UNC80: variants seen among roughly 807,000 people sequenced by gnomAD.
UNC80 encodes the protein unc-80 subunit of NALCN channel complex.
A neutral mutation model predicts 384.6 loss-of-function variants in UNC80; 164 were observed. The ratio of observed to expected loss-of-function variants is 0.43; its 90% CI spans 0.38 to 0.49. The LOEUF is 0.49. Ranked by LOEUF, UNC80 falls within the 20% of genes least tolerant of loss-of-function variation. UNC80 has a pLI of 0.00. For missense variants in UNC80, 3,330 were observed against 4,143.0 expected, an observed-to-expected ratio of 0.80 and a Z score of 5.39; for synonymous variants, 1,486 against 1,527.8, an observed-to-expected ratio of 0.97 and a Z score of 0.64.
chr2:209,959,159 A>C lies in UNC80; in HGVS notation c.7586+5A>C, dbSNP rs759668606. 8 of 1,551,976 alleles carry C rather than the reference A, an allele frequency of 5.2e-6. No homozygotes were observed. The highest frequency in any genetic ancestry group is 7.0e-6 in the Non-Finnish European group (8 of 1,146,992). ...AGCCAAACTGCACTTTATCAGGTAC[A>C]GAAAGACTTGCTCTAATTTCATACC... On this transcript the variant is annotated splice_donor_5th_base_variant and intron_variant, in intron 50 of 64. Coordinates refer to ENST00000673920, the MANE Select transcript of UNC80 (RefSeq NM_001371986.1).
At chr2:209,847,354 TAG>T (rs2082242413) in intron 21 of UNC80, among the ~76,000 whole-genome samples, 1 of 114,084 alleles carries the variant, frequency 8.8e-6, no homozygotes, top group Admixed American at 8.5e-5. Context: ...TGCTCAAAAA[TAG>T]TACCAAAATA....
chr2:209,982,910 C>T (rs2093190946), intron 60 of UNC80: 1 of 150,114 alleles, frequency 6.7e-6, no homozygotes, highest in Admixed American at 6.7e-5. Context: ...TTCTCTGTCT[C>T]TTAAGAATAT....
At chr2:209,896,979 G>A (rs1337848357) in intron 28 of UNC80, among the ~76,000 whole-genome samples, 2 of 152,108 alleles carry the variant, frequency 1.3e-5, no homozygotes, top group Admixed American at 6.6e-5. Flanking sequence ...AACCTCAGTT[G>A]TACAAGTGGC....
Position 209,872,934 on chromosome 2 carries a change from G to C in UNC80, c.3804G>C (p.Gln1268His). 1.3e-6 allele frequency: 2 copies of C among 1,551,678 alleles called. No individual in the cohort carries two copies. The highest frequency in any genetic ancestry group is 1.7e-6 in the Non-Finnish European group (2 of 1,146,972). The change falls in exon 23 of 65, where the codon CAG becomes CAC. Residue 1268 changes from glutamine (Q) to histidine (H), a missense_variant. By Grantham distance (24) the Gln-to-His change is conservative. Around this residue, in one of 8 missense-constraint regions of UNC80, gnomAD observed 801 missense variants for 950.8 expected, o/e 0.84. Coordinates refer to ENST00000673920, the MANE Select transcript of UNC80 (RefSeq NM_001371986.1). This position sits in a 1 kb window ranked among gnomAD's most constrained non-coding sequence, Gnocchi z 4.1. ...IVGNKRNQKLQWNAAKLFYQW... is the reference protein window; with the variant it reads ...IVGNKRNQKLHWNAAKLFYQW... Reference sequence around the variant, plus strand: ...GCAACAAGCGAAACCAGAAGCTGCAGTGGAATGCAGCCAAGCTCTTCTACC... The same window carrying C: ...GCAACAAGCGAAACCAGAAGCTGCACTGGAATGCAGCCAAGCTCTTCTACC...
chr2:209,898,593 T>C (rs1390054612), intron 28 of UNC80, among the ~76,000 whole-genome samples: 1 of 152,190 alleles, frequency 6.6e-6, no homozygotes, highest in African/African-American at 2.4e-5. Flanking sequence ...TGTATCCATC[T>C]CCTCAAGCAT....
chr2:209,820,643 C>T lies in UNC80; in HGVS notation c.2295C>T (p.Gly765=), dbSNP rs13432245. ...GDGGGGGGGG[G]GPYEKNDKNQ... is the part of the protein sequence containing the mutation. ...GAGGAGGAGGTGGAGGAGGTGGAGG[C>T]GGCCCTTATGAGAAGAATGATAAGA... The change falls in exon 13 of 65, where the codon GGC becomes GGT. Residue 765 remains glycine (G), a synonymous_variant. Transcript: ENST00000673920. The T allele has an allele frequency of 0.023, 34,905 of 1,545,018 alleles. 2,935 individuals carry two copies. The East Asian group carries it at 0.23, about 10-fold the overall frequency.
chr2:209,829,362 T>C lies in UNC80; in HGVS notation c.2609T>C (p.Met870Thr). ...DFLHALLGFC[M>T]EPVTDNKAGF... ...TTGCATGCTTTGCTAGGATTTTGTATGGAGCCGGTCACTGACAGTAAGTAA... is the reference window on the plus strand; with the variant it reads ...TTGCATGCTTTGCTAGGATTTTGTACGGAGCCGGTCACTGACAGTAAGTAA... Residue 870 changes from methionine (M) to threonine (T), a missense_variant, in exon 15 of 65, where the codon ATG (methionine) becomes ACG (threonine). Physicochemically the swap from Met to Thr is moderately conservative, Grantham distance 81. Coordinates refer to ENST00000673920, the MANE Select transcript of UNC80 (RefSeq NM_001371986.1). The C allele has an allele frequency of 6.4e-7, 1 of 1,551,298 alleles. No individual in the cohort carries two copies. Among genetic ancestry groups the C allele is most frequent in the Non-Finnish European group, 8.7e-7 (1 of 1,146,714 alleles).
At position 209,917,883 on chromosome 2, in the gene UNC80, C is replaced by G; in HGVS notation, c.5136C>G (p.Leu1712=). 2 of 1,551,874 alleles carry G rather than the reference C, an allele frequency of 1.3e-6. No individual in the cohort carries two copies. The highest frequency in any genetic ancestry group is 1.7e-6 in the Non-Finnish European group (2 of 1,147,042). The change falls in exon 32 of 65, where the codon CTC becomes CTG. Residue 1712 remains leucine, a synonymous_variant. Transcript: ENST00000673920. ...PETVQRLNAV[L]KFHTLWRFRY... is the part of the protein sequence containing the mutation. ...CTGTGCAGAGGCTGAACGCTGTCCT[C>G]AAGTTCCACACGCTCTGGAGGTTTC... is the stretch of plus-strand genomic sequence containing the variant.
intron 13 of UNC80, among the ~76,000 whole-genome samples, chr2:209,824,163 T>A (rs2080336791): frequency 6.6e-6 from 1 of 152,122 alleles, no homozygotes; most frequent in African/African-American, 2.4e-5. Flanking sequence ...TCCAAAATAC[T>A]TCTAGTCCAA....
intron 25 of UNC80, among the ~76,000 whole-genome samples, chr2:209,885,419 C>G (rs748300121): frequency 6.6e-6 from 1 of 152,032 alleles, no homozygotes; most frequent in Admixed American, 6.6e-5. Flanking sequence ...TGAAAGACTA[C>G]GTAGGATTTG....
At chr2:209,896,166 C>T in intron 27 of UNC80, 147 bp from the exon 28 acceptor site, 1 of 679,328 alleles carries the variant, frequency 1.5e-6, no homozygotes, top group Non-Finnish European at 2.6e-6. Context: ...GTTAATATTC[C>T]TCCAACAAAG....
chr2:209,818,033 T>A, intron 11 of UNC80, 81 bp downstream of exon 11: 1 of 1,470,576 alleles, frequency 6.8e-7, no homozygotes, highest in South Asian at 1.3e-5. Context: ...TACTTTCCCA[T>A]TGTAATCCGC....
At chr2:209,909,142 A>G (rs1346554557) in intron 29 of UNC80, among the ~76,000 whole-genome samples, 2 of 152,166 alleles carry the variant, frequency 1.3e-5, no homozygotes, top group South Asian at 2.1e-4. Context: ...ACACTTCTCT[A>G]GGAGTGCAGG....
chr2:209,862,020 A>T (rs2083379202), intron 22 of UNC80, among the ~76,000 whole-genome samples: 1 of 151,602 alleles, frequency 6.6e-6, no homozygotes, highest in African/African-American at 2.4e-5. Context: ...AGCATTTTTC[A>T]TGTCTTTATC....
intron 5 of UNC80, 107 bp downstream of exon 5, chr2:209,786,296 T>A: frequency 1.5e-6 from 2 of 1,349,168 alleles, no homozygotes; most frequent in Non-Finnish European, 2.0e-6. Context: ...GAAGCAAATA[T>A]CTACATGTAG....
chr2:209,853,270 A>G (rs1316008552), intron 22 of UNC80, among the ~76,000 whole-genome samples: 1 of 152,152 alleles, frequency 6.6e-6, no homozygotes, highest in East Asian at 1.9e-4. Flanking sequence ...TTTTGACATA[A>G]TTTTATATTA....
intron 58 of UNC80, among the ~76,000 whole-genome samples, chr2:209,977,368 T>C (rs947164395): frequency 1.3e-5 from 2 of 152,238 alleles, no homozygotes; most frequent in African/African-American, 2.4e-5. Context: ...CTTTCTTGAG[T>C]ATTTAATTGG....
At position 209,840,479 on chromosome 2, in the gene UNC80, T is replaced by C. The variant is rs2081656244; in HGVS notation, c.3251-63T>C. 11 of 1,392,216 alleles carry C rather than the reference T, an allele frequency of 7.9e-6. No individual in the cohort carries two copies. In the South Asian group the frequency reaches 1.3e-4, roughly 16 times the overall value. 86.2% of individuals were successfully genotyped at this position (1,392,216 alleles called of 1,614,324 possible). A position where few individuals can be genotyped will look rare whatever the true frequency, so the allele number is the denominator to read the frequency against. ...ATCGCTTGTTGGGCTTATGTTGACA[T>C]TTCTGTTTAATTGATTGGATAGAAA... On this transcript the variant is annotated intron_variant, in intron 19 of 64. Coordinates refer to ENST00000673920, the MANE Select transcript of UNC80 (RefSeq NM_001371986.1).
intron 35 of UNC80, among the ~76,000 whole-genome samples, chr2:209,926,367 T>C (rs924671580): frequency 2.0e-5 from 3 of 152,368 alleles, no homozygotes; most frequent in Admixed American, 6.5e-5. Context: ...TTATTTGTTA[T>C]AAAATGAAGA....
Sources: gnomAD v4.1 joint callset for allele counts (sites outside exome capture counted in the v4.1 genomes callset) on GRCh38, gnomAD v4.1.1 for gene constraint, gnomAD v4.1.1 regional missense constraint, Gnocchi (gnomAD v3.1) non-coding constraint, MANE v1.5 for transcripts, NCBI Gene and HGNC (gene_info 2026-07-23, HGNC 2026-07-21) for gene names.